The following DMD variants were observed in gnomAD, a reference collection of about 807,000 sequenced individuals.
DMD encodes the protein dystrophin, also known as mutant dystrophin.
In DMD, 63 loss-of-function variants were observed where a neutral mutation model predicts 330.1. The ratio of observed to expected loss-of-function variants is 0.19; its 90% CI spans 0.16 to 0.24. The LOEUF is 0.24. DMD is among the 10% of genes least tolerant of loss of function. DMD has a pLI of 1.00. For synonymous variants in DMD, 1,223 were observed against 959.8 expected (o/e 1.27, Z -5.07); for missense variants, 3,344 against 2,684.1 (o/e 1.25, Z -5.43).
At chrX:31,563,412 A>G (rs1255166511) in intron 55 of DMD, among the ~76,000 whole-genome samples, 1 of 112,219 alleles carries the variant, frequency 8.9e-6, no homozygotes, top group Non-Finnish European at 1.9e-5. Flanking sequence ...TCAGTGATCT[A>G]CTTGTCTTGT....
At chrX:32,311,903 C>A (rs1477087846) in intron 41 of DMD, among the ~76,000 whole-genome samples, 1 of 111,499 alleles carries the variant, frequency 9.0e-6, no homozygotes, top group African/African-American at 3.2e-5. Context: ...TGGTTGGTGA[C>A]CATTATGTTG....
At chrX:32,471,796 T>C (rs1208329315) in intron 22 of DMD, among the ~76,000 whole-genome samples, 1 of 111,912 alleles carries the variant, frequency 8.9e-6, no homozygotes, top group African/African-American at 3.2e-5. Context: ...GACTGTACAC[T>C]GATTTTACCC....
In DMD at chrX:32,849,812, C is replaced by T. The variant is rs2080986377; in HGVS notation, c.102G>A (p.Lys34=). Residue 34 remains lysine (K), a synonymous_variant, in exon 3 of 79, where the codon AAG becomes AAA. Coordinates refer to ENST00000357033, the MANE Select transcript of DMD (RefSeq NM_004006.3). ...WVNAQFSKFG[K]QHIENLFSDL... is the part of the protein sequence containing the mutation. Reference sequence around the variant, plus strand: ...CACTGAAGAGGTTCTCAATATGCTGCTTCCCAAACTGAAATTAAAAAAAAT... The same window carrying T: ...CACTGAAGAGGTTCTCAATATGCTGTTTCCCAAACTGAAATTAAAAAAAAT... 2.5e-6 allele frequency: 3 copies of T among 1,190,519 alleles called. No individual in the cohort carries two copies. Among genetic ancestry groups the T allele is most frequent in the Non-Finnish European group, 3.4e-6 (3 of 879,551 alleles).
At chrX:32,794,503 G>A (rs751779017) in intron 7 of DMD, among the ~76,000 whole-genome samples, 4 of 111,416 alleles carry the variant, frequency 3.6e-5, no homozygotes, top group Non-Finnish European at 7.5e-5. Context: ...GCAAGAGAAC[G>A]GCATGAACCC....
At chrX:32,482,004 G>A (rs999426778) in intron 21 of DMD, among the ~76,000 whole-genome samples, 1 of 111,447 alleles carries the variant, frequency 9.0e-6, no homozygotes, top group African/African-American at 3.2e-5. Flanking sequence ...TCAAAACACT[G>A]GCTTTGTCAT....
At chrX:32,777,277 T>TGGGGGGGGGTTGGG (rs546914107) in intron 7 of DMD, among the ~76,000 whole-genome samples, 1 of 2,111 alleles carries the variant, frequency 4.7e-4, no homozygotes, top group Non-Finnish European at 7.0e-4. Context: ...GGTTTCTGGT[T>TGGGGGGGGGTTGGG]GGGGGGGGAA....
rs3083093 is a variant in DMD at position 32,948,113 on chromosome X, GACACACACAC to G, written c.93+72016_93+72025del. On this transcript the variant is annotated intron_variant, in intron 2 of 78. Transcript: ENST00000357033. The stretch of plus-strand genomic sequence containing the variant: ...CTCAAAATTGACAGTGAGAGAAACA[GACACACACAC>G]ACACACACACACACACACACACACA... 4.8e-3 allele frequency among the ~76,000 whole-genome samples: 458 copies of G among 95,973 alleles called. 1 individual carries two copies. Among genetic ancestry groups the G allele is most frequent in the African/African-American group, 0.016 (431 of 26,783 alleles). The allele number at this position is 95,973 out of a possible 115,157, so 83.3% of individuals were successfully genotyped here.
intron 37 of DMD, among the ~76,000 whole-genome samples, chrX:32,362,502 A>G (rs1023110169): frequency 9.0e-6 from 1 of 111,330 alleles, no homozygotes; most frequent in African/African-American, 3.3e-5. Context: ...GTGACCCCTG[A>G]AAGTACGTAT....
At chrX:31,577,849 G>A (rs2076174039) in intron 55 of DMD, among the ~76,000 whole-genome samples, 1 of 111,289 alleles carries the variant, frequency 9.0e-6, no homozygotes, top group African/African-American at 3.3e-5. Context: ...CTATCAATGT[G>A]AGAGTTACAA....
At chrX:31,282,512 C>A (rs1380521398) in intron 62 of DMD, among the ~76,000 whole-genome samples, 2 of 109,089 alleles carry the variant, frequency 1.8e-5, no homozygotes, top group African/African-American at 6.7e-5. Context: ...CTAATAAAGT[C>A]ATTTACAAGT....
intron 34 of DMD, among the ~76,000 whole-genome samples, chrX:32,376,477 C>T (rs1048424898): frequency 2.7e-5 from 3 of 110,528 alleles, no homozygotes; most frequent in African/African-American, 6.6e-5. Context: ...GTGATGGGAC[C>T]TTATTGAGAA....
At chrX:31,689,656 T>C (rs1268551387) in intron 52 of DMD, among the ~76,000 whole-genome samples, 10 of 111,043 alleles carry the variant, frequency 9.0e-5, no homozygotes, top group Non-Finnish European at 3.8e-5. Flanking sequence ...GAGCCCACAT[T>C]GCCAAGACAA....
intron 9 of DMD, among the ~76,000 whole-genome samples, chrX:32,682,670 T>G (rs1054038747): frequency 1.8e-5 from 2 of 112,308 alleles, no homozygotes; most frequent in Non-Finnish European, 3.8e-5. Flanking sequence ...TAGATGTTTC[T>G]GACAACATAA....
rs190898023 is a variant in DMD at position 32,002,075 on chromosome X, C to A, written c.6439-33561G>T. ...GCTCATCATGATGGTCAAAGCCTGA[C>A]CCAGCTTGTTAATCTTCAGAGCAGA... On this transcript the variant is annotated intron_variant, in intron 44 of 78. Coordinates refer to ENST00000357033, the MANE Select transcript of DMD (RefSeq NM_004006.3). Among the ~76,000 whole-genome samples the A allele has an allele frequency of 6.3e-5, 7 of 111,815 alleles. No individual in the cohort carries two copies. The East Asian group carries it at 2.0e-3, about 32-fold the overall frequency.
chrX:32,123,202 C>CATATATATATATATATAT lies in DMD; in HGVS notation c.6438+93696_6438+93713dup, dbSNP rs59017074. 1.4e-3 allele frequency among the ~76,000 whole-genome samples: 44 copies of CATATATATATATATATAT among 32,559 alleles called. 2 individuals carry two copies. Among genetic ancestry groups the CATATATATATATATATAT allele is most frequent in the Non-Finnish European group, 1.6e-3 (32 of 19,847 alleles). 28.3% of individuals were successfully genotyped at this position (32,559 alleles called of 115,157 possible). ...TAAGGTGAATGGTTTTGTGAGCATG[C>CATATATATATATATATAT]ATATATATATATATATATATATATA... On this transcript the variant is annotated intron_variant, in intron 44 of 78. Coordinates refer to ENST00000357033, the MANE Select transcript of DMD (RefSeq NM_004006.3).
intron 30 of DMD, among the ~76,000 whole-genome samples, chrX:32,397,025 A>G (rs1338209640): frequency 9.0e-6 from 1 of 111,607 alleles, no homozygotes; most frequent in Admixed American, 9.6e-5. Flanking sequence ...TCTCCTATGT[A>G]AAAATCACTC....
chrX:31,314,255 T>C (rs1246118737), intron 62 of DMD, among the ~76,000 whole-genome samples: 1 of 112,691 alleles, frequency 8.9e-6, no homozygotes, highest in African/African-American at 3.2e-5. Context: ...TTTGCTTTTC[T>C]TCCTGTCTAG....
intron 1 of DMD, among the ~76,000 whole-genome samples, chrX:33,048,827 G>A (rs868803624): frequency 2.7e-5 from 3 of 109,894 alleles, no homozygotes; most frequent in Non-Finnish European, 3.8e-5. Context: ...AGGGGGCACC[G>A]CAAGAAAAGT....
At chrX:33,172,597 C>G (rs2148706210) in intron 1 of DMD, among the ~76,000 whole-genome samples, 1 of 111,661 alleles carries the variant, frequency 9.0e-6, no homozygotes, top group African/African-American at 3.2e-5. Flanking sequence ...ACAACTCTGG[C>G]CACTCAAACT....
Sources: allele counts gnomAD v4.1 joint callset (sites outside exome capture counted in the v4.1 genomes callset), GRCh38; gene constraint gnomAD v4.1.1; transcripts MANE v1.5; gene names NCBI Gene and HGNC (gene_info 2026-07-23, HGNC 2026-07-21).